Variants in GRIN2B observed in about 807,000 individuals in gnomAD.
GRIN2B encodes glutamate receptor ionotropic, NMDA 2B.
A neutral mutation model predicts 114.5 loss-of-function variants in GRIN2B; 5 were observed. The observed-to-expected ratio is 0.04, with a 90% CI of 0.02 to 0.09. The LOEUF (loss-of-function observed/expected upper bound fraction) is 0.09, where lower values mean the gene tolerates loss of function less well. GRIN2B is among the 10% of genes least tolerant of loss of function. The pLI, the probability that GRIN2B is intolerant of heterozygous loss-of-function variation, is 1.00. For synonymous variants in GRIN2B, 787 were observed against 745.1 expected (o/e 1.06, Z -0.92); for missense variants, 1,108 against 1,943.5 (o/e 0.57, Z 8.08).
At chr12:13,678,309 G>A (rs1950095118) in intron 4 of GRIN2B, among the ~76,000 whole-genome samples, 1 of 152,110 alleles carries the variant, frequency 6.6e-6, no homozygotes, top group Non-Finnish European at 1.5e-5. Context: ...AGTTTCCCCA[G>A]TAAATCCTAT....
At chr12:13,870,473 G>A (rs914104013) in intron 2 of GRIN2B, among the ~76,000 whole-genome samples, 4 of 152,060 alleles carry the variant, frequency 2.6e-5, no homozygotes, top group Admixed American at 1.3e-4. Flanking sequence ...CTGGTACAGG[G>A]TAACTATAGC....
intron 2 of GRIN2B, among the ~76,000 whole-genome samples, chr12:13,949,461 A>G (rs1867435438): frequency 6.6e-6 from 1 of 152,084 alleles, no homozygotes; most frequent in South Asian, 2.1e-4. Context: ...ACACTCAACC[A>G]GAGGGACCAC....
intron 2 of GRIN2B, among the ~76,000 whole-genome samples, chr12:13,974,396 G>C (rs749231106): frequency 2.0e-5 from 3 of 152,128 alleles, no homozygotes; most frequent in Non-Finnish European, 4.4e-5. Flanking sequence ...CTTTTAAGAC[G>C]ACCCTGGCTT....
intron 3 of GRIN2B, among the ~76,000 whole-genome samples, chr12:13,824,340 T>C (rs1864991646): frequency 6.6e-6 from 1 of 152,196 alleles, no homozygotes; most frequent in African/African-American, 2.4e-5. Context: ...TCTTCTTGAG[T>C]TAACTTTCGT....
At chr12:13,572,059 G>A in intron 10 of GRIN2B, 95 bp from the exon 11 acceptor site, 1 of 964,046 alleles carries the variant, frequency 1.0e-6, no homozygotes, top group South Asian at 1.4e-5. Context: ...CATTAAGTAA[G>A]TTAGCATTAG....
chr12:13,907,494 GA>G lies in GRIN2B; in HGVS notation c.-18-41269del, dbSNP rs36064040. On this transcript the variant is annotated intron_variant, in intron 2 of 13. Transcript: ENST00000609686. The stretch of plus-strand genomic sequence containing the variant: ...GCAACAGAGTGAGACTCTGTCTCAG[GA>G]AAAAAAAAAAAAAAAGTCCTCCAGA... Among the ~76,000 whole-genome samples, 490 of 129,922 alleles carry G rather than the reference GA, an allele frequency of 3.8e-3. 2 individuals are homozygous for G. The highest frequency in any genetic ancestry group is 0.013 in the Middle Eastern group (3 of 232). The allele number at this position is 129,922 out of a possible 152,430, so 85.2% of individuals were successfully genotyped here.
At chr12:13,941,542 G>A (rs895599756) in intron 2 of GRIN2B, among the ~76,000 whole-genome samples, 1 of 152,168 alleles carries the variant, frequency 6.6e-6, no homozygotes, top group African/African-American at 2.4e-5. Flanking sequence ...GGGTAGGATG[G>A]AGGATATAAA....
chr12:13,865,958 C>T lies in GRIN2B; in HGVS notation c.251G>A (p.Arg84His), dbSNP rs778695605. 1.1e-5 allele frequency: 17 copies of T among 1,614,016 alleles called. No individual in the cohort carries two copies. The highest frequency in any genetic ancestry group is 6.7e-5 in the East Asian group (3 of 44,860). Residue 84 changes from arginine (R) to histidine (H), a missense_variant, in exon 3 of 14, where the codon CGC becomes CAC. Physicochemically the swap from Arg to His is conservative, Grantham distance 29. Transcript: ENST00000609686. ...NETDPKSIITRICDLMSDRKI... is the reference protein window; with the variant it reads ...NETDPKSIITHICDLMSDRKI... ...CCGGTCAGACATGAGATCACAGATG[C>T]GGGTGATGATGCTCTTTGGGTCGGT...
chr12:13,945,366 C>T (rs546223866), intron 2 of GRIN2B, among the ~76,000 whole-genome samples: 2 of 152,100 alleles, frequency 1.3e-5, no homozygotes, highest in Non-Finnish European at 2.9e-5. Flanking sequence ...CTTCTGAAGG[C>T]TTTGTTTTCC....
intron 3 of GRIN2B, among the ~76,000 whole-genome samples, chr12:13,849,236 A>G (rs1032562843): frequency 2.0e-5 from 3 of 152,268 alleles, no homozygotes; most frequent in Non-Finnish European, 2.9e-5. Flanking sequence ...TCTACCCTGC[A>G]GAGCAGCCCG....
intron 3 of GRIN2B, among the ~76,000 whole-genome samples, chr12:13,806,054 A>G (rs1864594160): frequency 6.6e-6 from 1 of 152,198 alleles, no homozygotes; most frequent in Non-Finnish European, 1.5e-5. Context: ...TGTAAATGAC[A>G]CAACTTCCTT....
At chr12:13,933,545 TC>T (rs2136826625) in intron 2 of GRIN2B, among the ~76,000 whole-genome samples, 2 of 152,294 alleles carry the variant, frequency 1.3e-5, no homozygotes, top group East Asian at 3.9e-4. Flanking sequence ...AACCCTGCCT[TC>T]CCAAATGCAA....
chr12:13,547,981 A>ATATATATATATTTTTTT lies in GRIN2B; in HGVS notation c.*14801_*14802insAAAAAAATATATATATA. ...TGTGTATATATATATATATATATAT[A>ATATATATATATTTTTTT]TTTTTTTTTTTTTTCTGAAAGCTAC... On this transcript the variant is annotated 3_prime_UTR_variant, in exon 14 of 14. Transcript: ENST00000609686. 98 of 68,538 alleles carry ATATATATATATTTTTTT rather than the reference A, an allele frequency of 1.4e-3. No homozygotes were observed. The highest frequency in any genetic ancestry group is 2.4e-3 in the Non-Finnish European group (83 of 34,352). 4.2% of individuals were successfully genotyped at this position (68,538 alleles called of 1,614,324 possible).
At chr12:13,859,890 C>T (rs1454344040) in intron 3 of GRIN2B, among the ~76,000 whole-genome samples, 1 of 152,018 alleles carries the variant, frequency 6.6e-6, no homozygotes, top group African/African-American at 2.4e-5. Context: ...GTCTTAATAC[C>T]CTTCATCCAA....
chr12:13,825,496 TTGTG>T (rs55893904), intron 3 of GRIN2B, among the ~76,000 whole-genome samples: 1,572 of 122,946 alleles, frequency 0.013, 23 homozygotes, highest in African/African-American at 0.029. Context: ...TATATATATT[TTGTG>T]TGTGTGTGTG....
In GRIN2B at chr12:13,547,981, A is replaced by ATATATTTTTTTTTT; in HGVS notation, c.*14801_*14802insAAAAAAAAAATATA. 2 of 68,592 alleles carry ATATATTTTTTTTTT rather than the reference A, an allele frequency of 2.9e-5. No individual in the cohort carries two copies. Among genetic ancestry groups the ATATATTTTTTTTTT allele is most frequent in the African/African-American group, 9.2e-5 (2 of 21,780 alleles). 4.2% of individuals were successfully genotyped at this position (68,592 alleles called of 1,614,324 possible). ...TGTGTATATATATATATATATATAT[A>ATATATTTTTTTTTT]TTTTTTTTTTTTTTCTGAAAGCTAC... On this transcript the variant is annotated 3_prime_UTR_variant, in exon 14 of 14. Coordinates refer to ENST00000609686, the MANE Select transcript of GRIN2B (RefSeq NM_000834.5).
intron 4 of GRIN2B, among the ~76,000 whole-genome samples, chr12:13,721,452 A>C (rs1862878982): frequency 6.6e-6 from 1 of 152,058 alleles, no homozygotes; most frequent in South Asian, 2.1e-4. Flanking sequence ...AAAGGAGAGC[A>C]GATGAGATGA....
At chr12:13,880,869 C>T (rs550573510) in intron 2 of GRIN2B, among the ~76,000 whole-genome samples, 17 of 152,316 alleles carry the variant, frequency 1.1e-4, no homozygotes, top group Middle Eastern at 3.4e-3. Context: ...TTCCTGTTTA[C>T]TGTGTTCACT....
chr12:13,690,080 C>A (rs551353881), intron 4 of GRIN2B, among the ~76,000 whole-genome samples: 1 of 152,102 alleles, frequency 6.6e-6, no homozygotes, highest in African/African-American at 2.4e-5. Context: ...ATCTTGTCTT[C>A]CATGATAGAC....
Sources: gnomAD v4.1 joint callset for allele counts (sites outside exome capture counted in the v4.1 genomes callset) on GRCh38, gnomAD v4.1.1 for gene constraint, MANE v1.5 for transcripts, NCBI Gene and HGNC (gene_info 2026-07-23, HGNC 2026-07-21) for gene names.